CNTNAP5: variants seen among roughly 807,000 people sequenced by gnomAD.
The protein encoded by CNTNAP5 is contactin-associated protein-like 5.
A neutral mutation model predicts 150.2 loss-of-function variants in CNTNAP5; 72 were observed. The ratio of observed to expected loss-of-function variants is 0.48; its 90% CI spans 0.40 to 0.58. The LOEUF (loss-of-function observed/expected upper bound fraction) is 0.58, where lower values mean the gene tolerates loss of function less well. Ranked by LOEUF, CNTNAP5 falls within the 20% of genes least tolerant of loss-of-function variation. The probability of loss-of-function intolerance (pLI) is 0.00; values close to 1 mark genes in which losing one functional copy is unlikely to be tolerated. For synonymous variants in CNTNAP5, 672 were observed against 619.8 expected (o/e 1.08, Z -1.25); for missense variants, 1,636 against 1,626.2 (o/e 1.01, Z -0.10).
At chr2:124,458,115 C>T (rs2104817477) in intron 6 of CNTNAP5, among the ~76,000 whole-genome samples, 1 of 151,092 alleles carries the variant, frequency 6.6e-6, no homozygotes, top group South Asian at 2.1e-4. Flanking sequence ...CTTGCACACA[C>T]ATGTTTATAG....
intron 11 of CNTNAP5, among the ~76,000 whole-genome samples, chr2:124,609,250 G>C (rs1488280613): frequency 6.6e-6 from 1 of 152,096 alleles, no homozygotes; most frequent in Non-Finnish European, 1.5e-5. Context: ...ATTTTGAGAG[G>C]CATTACCTCT....
intron 1 of CNTNAP5, among the ~76,000 whole-genome samples, chr2:124,057,917 T>G (rs1194496733): frequency 6.6e-6 from 1 of 152,158 alleles, no homozygotes; most frequent in Non-Finnish European, 1.5e-5. Flanking sequence ...CACTATATGC[T>G]TGTATCAAAG....
intron 19 of CNTNAP5, among the ~76,000 whole-genome samples, chr2:124,817,017 T>C (rs529295396): frequency 6.6e-6 from 1 of 152,246 alleles, no homozygotes; most frequent in African/African-American, 2.4e-5. Flanking sequence ...CCCTAGGGTG[T>C]TTCTCCCACA....
chr2:124,331,772 A>G (rs1689354322), intron 3 of CNTNAP5, among the ~76,000 whole-genome samples: 1 of 152,012 alleles, frequency 6.6e-6, no homozygotes, highest in African/African-American at 2.4e-5. Flanking sequence ...TTTACAGCTA[A>G]TCAGAAGACT....
intron 1 of CNTNAP5, among the ~76,000 whole-genome samples, chr2:124,091,418 G>C (rs919811676): frequency 6.6e-6 from 1 of 152,096 alleles, no homozygotes; most frequent in Admixed American, 6.6e-5. Flanking sequence ...TTCAAACTGG[G>C]GTGATTGCTA....
chr2:124,440,457 TA>T (rs1467825046), intron 5 of CNTNAP5, among the ~76,000 whole-genome samples: 4 of 152,146 alleles, frequency 2.6e-5, no homozygotes, highest in African/African-American at 9.7e-5. Context: ...TTTGAACAGT[TA>T]AGATAAGACC....
chr2:124,398,958 C>T (rs1243043892), intron 3 of CNTNAP5, among the ~76,000 whole-genome samples: 1 of 152,194 alleles, frequency 6.6e-6, no homozygotes, highest in Non-Finnish European at 1.5e-5. Context: ...TTTGTGTTTA[C>T]TCAAGGCCAG....
chr2:124,856,143 G>A (rs1353875124), intron 19 of CNTNAP5, among the ~76,000 whole-genome samples: 1 of 151,854 alleles, frequency 6.6e-6, no homozygotes, highest in Non-Finnish European at 1.5e-5. Context: ...GTGTGTGGGG[G>A]TGTGTGTATA....
chr2:124,413,617 A>C (rs1691836542), intron 3 of CNTNAP5, among the ~76,000 whole-genome samples: 1 of 119,230 alleles, frequency 8.4e-6, no homozygotes, highest in African/African-American at 3.3e-5. Context: ...CATTCTCAGT[A>C]AACTATCGCA....
At chr2:124,414,082 G>C (rs1020829428) in intron 3 of CNTNAP5, among the ~76,000 whole-genome samples, 1 of 149,968 alleles carries the variant, frequency 6.7e-6, no homozygotes, top group East Asian at 2.0e-4. Flanking sequence ...TAGAATGCTA[G>C]ATTGATAGTG....
intron 3 of CNTNAP5, among the ~76,000 whole-genome samples, chr2:124,366,495 A>G (rs74725657): frequency 0.15 from 23,381 of 152,142 alleles, 2,031 homozygotes; most frequent in African/African-American, 0.21. Flanking sequence ...AAGAGAAAGA[A>G]TGGCATTCCA....
At chr2:124,207,238 C>T (rs1200582979) in intron 1 of CNTNAP5, among the ~76,000 whole-genome samples, 1 of 152,172 alleles carries the variant, frequency 6.6e-6, no homozygotes, top group Non-Finnish European at 1.5e-5. Flanking sequence ...TTCCTCCTGT[C>T]TTTTCCAAGG....
At chr2:124,086,917 T>C (rs1682707139) in intron 1 of CNTNAP5, among the ~76,000 whole-genome samples, 1 of 151,812 alleles carries the variant, frequency 6.6e-6, no homozygotes, top group African/African-American at 2.4e-5. Flanking sequence ...ACTTGAACAT[T>C]TATTTAAAAT....
At chr2:124,709,615 T>A (rs765932861) in intron 13 of CNTNAP5, among the ~76,000 whole-genome samples, 3 of 152,162 alleles carry the variant, frequency 2.0e-5, no homozygotes, top group Non-Finnish European at 2.9e-5. Flanking sequence ...ATAGTTAATA[T>A]CTTATAAGAC....
intron 13 of CNTNAP5, among the ~76,000 whole-genome samples, chr2:124,745,890 C>G (rs551218287): frequency 6.6e-6 from 1 of 152,194 alleles, no homozygotes; most frequent in Non-Finnish European, 1.5e-5. Context: ...CTGGTCTCTT[C>G]CTACTTACCT....
intron 1 of CNTNAP5, among the ~76,000 whole-genome samples, chr2:124,111,186 A>G (rs572522110): frequency 1.3e-5 from 2 of 152,296 alleles, no homozygotes; most frequent in South Asian, 4.1e-4. Flanking sequence ...TTCCATACAC[A>G]CTTGGGAAAG....
chr2:124,707,138 GAGGAAGAAGAAGAAGAAGAA>G (rs1679696882), intron 13 of CNTNAP5, among the ~76,000 whole-genome samples: 8 of 80,154 alleles, frequency 1.0e-4, no homozygotes, highest in Non-Finnish European at 2.2e-4. Context: ...AGAAGAAGAA[GAGGAAGAAGAAGAAGAAGAA>G]GAAGAAGAAG....
At chr2:124,100,864 C>CAAAAAAAA (rs60441145) in intron 1 of CNTNAP5, among the ~76,000 whole-genome samples, 2 of 88,038 alleles carry the variant, frequency 2.3e-5, no homozygotes, top group Non-Finnish European at 4.6e-5. Flanking sequence ...GACTCTGTCT[C>CAAAAAAAA]AAAAAAAAAA....
chr2:124,452,213 A>G (rs1692999879), intron 6 of CNTNAP5, among the ~76,000 whole-genome samples: 1 of 152,074 alleles, frequency 6.6e-6, no homozygotes, highest in South Asian at 2.1e-4. Context: ...GGGCACGGTG[A>G]GAGTGAGACC....
Sources: allele counts gnomAD v4.1 joint callset (sites outside exome capture counted in the v4.1 genomes callset), GRCh38; gene constraint gnomAD v4.1.1; transcripts MANE v1.5; gene names NCBI Gene and HGNC (gene_info 2026-07-23, HGNC 2026-07-21).